FOXK1: variants seen among roughly 807,000 people sequenced by gnomAD.
The protein encoded by FOXK1 is forkhead box protein K1.
In FOXK1, 19 loss-of-function variants were observed where a neutral mutation model predicts 51.9. The ratio of observed to expected loss-of-function variants is 0.37; its 90% CI spans 0.26 to 0.54. The LOEUF is 0.54. FOXK1 is among the 20% of genes least tolerant of loss of function. The pLI is 0.87. For missense variants in FOXK1, 870 were observed against 1,032.7 expected (o/e 0.84, Z 2.16); for synonymous variants, 537 against 482.6 (o/e 1.11, Z -1.48).
intron 2 of FOXK1, among the ~76,000 whole-genome samples, 160 bp from the exon 3 acceptor site, chr7:4,754,299 C>T (rs898836434): frequency 3.3e-5 from 5 of 152,252 alleles, no homozygotes; most frequent in African/African-American, 7.2e-5. Context: ...TTGTCCCCGC[C>T]GCTGCGTGAC....
chr7:4,690,022 C>T (rs1039112760), intron 1 of FOXK1, among the ~76,000 whole-genome samples: 3 of 152,190 alleles, frequency 2.0e-5, no homozygotes, highest in African/African-American at 4.8e-5. Context: ...CGCTTCTCCA[C>T]GTGAAGGATC....
At position 4,755,442 on chromosome 7, in the gene FOXK1, C is replaced by T. The variant is rs1780834467; in HGVS notation, c.1050+59C>T. 6.3e-7 allele frequency: 1 copy of T among 1,591,322 alleles called. No individual in the cohort carries two copies. The highest frequency in any genetic ancestry group is 8.6e-7 in the Non-Finnish European group (1 of 1,166,356). ...GAAGGCCCTTAGAACATGGAACTCA[C>T]AGGCATATTGCTTCCCTTAAAACAG... is the stretch of plus-strand genomic sequence containing the variant. On this transcript the variant is annotated intron_variant, in intron 4 of 8. Transcript: ENST00000328914. The surrounding 1 kb of genome is among the most constrained non-coding windows in gnomAD (Gnocchi z 6.6).
chr7:4,768,336 G>T lies in FOXK1; in HGVS notation c.*5872G>T, dbSNP rs1458762279. On this transcript the variant is annotated 3_prime_UTR_variant, in exon 9 of 9. Coordinates refer to ENST00000328914, the MANE Select transcript of FOXK1 (RefSeq NM_001037165.2). ...TTTAGTAGAGACGGGGTTTCACCGT[G>T]TTAGCCAGGATGGTCTCGATCTCCT... The T allele has an allele frequency of 1.4e-5, 2 of 139,324 alleles. No individual in the cohort carries two copies. The highest frequency in any genetic ancestry group is 3.0e-5 in the Non-Finnish European group (2 of 67,166). The allele number at this position is 139,324 out of a possible 1,614,324, so 8.6% of individuals were successfully genotyped here. A position where few individuals can be genotyped will look rare whatever the true frequency, so the allele number is the denominator to read the frequency against.
In FOXK1 at chr7:4,740,251, A is replaced by G. The variant is rs7782788; in HGVS notation, c.561-587A>G. On this transcript the variant is annotated intron_variant, in intron 1 of 8. Transcript: ENST00000328914. ...CGAGACCATCCTGGCTAACACAGTGAAACCCCGTCTCTACTAAAAATATAA... is the reference window on the plus strand; with the variant it reads ...CGAGACCATCCTGGCTAACACAGTGGAACCCCGTCTCTACTAAAAATATAA... Among the ~76,000 whole-genome samples the G allele has an allele frequency of 7.1e-3, 1,087 of 152,244 alleles. 15 individuals carry two copies. The highest frequency in any genetic ancestry group is 0.025 in the African/African-American group (1,046 of 41,520).
At chr7:4,699,116 G>C (rs1243521034) in intron 1 of FOXK1, among the ~76,000 whole-genome samples, 1 of 152,196 alleles carries the variant, frequency 6.6e-6, no homozygotes, top group African/African-American at 2.4e-5. Context: ...ATCTGGGACA[G>C]TTCATCAGCC....
At chr7:4,712,544 G>A (rs948337289) in intron 1 of FOXK1, among the ~76,000 whole-genome samples, 7 of 152,144 alleles carry the variant, frequency 4.6e-5, no homozygotes, top group Non-Finnish European at 8.8e-5. Flanking sequence ...TGCCCCGCGC[G>A]CTTATTTGAG....
chr7:4,760,410 G>C (rs912357141), intron 7 of FOXK1, among the ~76,000 whole-genome samples: 1 of 152,212 alleles, frequency 6.6e-6, no homozygotes, highest in African/African-American at 2.4e-5. Flanking sequence ...TCCTCTCCGC[G>C]GTGGTGTTTG....
chr7:4,737,378 A>G (rs1288906849), intron 1 of FOXK1, among the ~76,000 whole-genome samples: 1 of 152,004 alleles, frequency 6.6e-6, no homozygotes, highest in Non-Finnish European at 1.5e-5. Flanking sequence ...ATCTTTAAAC[A>G]TTTGTCATCA....
rs1780146355 is a variant in FOXK1, at chr7:4,709,414, C to G, written c.560+26546C>G. On this transcript the variant is annotated intron_variant, in intron 1 of 8. Transcript: ENST00000328914. This position sits in a 1 kb window ranked among gnomAD's most constrained non-coding sequence, Gnocchi z 5.6. ...GGTCTGGACAGGGCCAGGCTCTTCCCAAGCGCACAGTCCACATAGGCTGCT... is the reference window on the plus strand; with the variant it reads ...GGTCTGGACAGGGCCAGGCTCTTCCGAAGCGCACAGTCCACATAGGCTGCT... Among the ~76,000 whole-genome samples, 1 of 152,190 alleles carries G rather than the reference C, an allele frequency of 6.6e-6. No individual in the cohort carries two copies. Among genetic ancestry groups the G allele is most frequent in the Admixed American group, 6.5e-5 (1 of 15,274 alleles).
In FOXK1 at chr7:4,711,851, A is replaced by C. The variant is rs76291374; in HGVS notation, c.560+28983A>C. 2.2e-4 allele frequency among the ~76,000 whole-genome samples: 33 copies of C among 152,250 alleles called. No homozygotes were observed. In the East Asian group the frequency reaches 4.8e-3, roughly 22 times the overall value. ...AAAAGATTGCGGCCGGCCGGTGTCA[A>C]GGCGGGGGACCTGTGAGCTGGGCCT... On this transcript the variant is annotated intron_variant, in intron 1 of 8. Coordinates refer to ENST00000328914, the MANE Select transcript of FOXK1 (RefSeq NM_001037165.2). The surrounding 1 kb of genome is among the most constrained non-coding windows in gnomAD (Gnocchi z 6.3).
intron 1 of FOXK1, among the ~76,000 whole-genome samples, chr7:4,698,994 C>A (rs1339235598): frequency 1.3e-5 from 2 of 152,196 alleles, no homozygotes; most frequent in African/African-American, 2.4e-5. Context: ...GGCCCACATA[C>A]CATTTTTGCC....
chr7:4,721,765 A>G (rs1296846378), intron 1 of FOXK1, among the ~76,000 whole-genome samples: 4 of 150,968 alleles, frequency 2.6e-5, no homozygotes, highest in Non-Finnish European at 5.9e-5. Flanking sequence ...TAATTCTTGC[A>G]TTTTTAGTAT....
At chr7:4,740,111 G>A (rs550769427) in intron 1 of FOXK1, among the ~76,000 whole-genome samples, 4 of 151,916 alleles carry the variant, frequency 2.6e-5, no homozygotes, top group South Asian at 4.2e-4. Flanking sequence ...CCTGGCCAAC[G>A]TGGTGAAACC....
rs1316603838 is a variant in FOXK1, at chr7:4,734,105, T to A, written c.561-6733T>A. On this transcript the variant is annotated intron_variant, in intron 1 of 8. Transcript: ENST00000328914. The surrounding 1 kb of genome is among the most constrained non-coding windows in gnomAD (Gnocchi z 5.2). ...TGAAGCGATGCCTGTGTTTTAACCT[T>A]AGTAACCGTGCCGCCCAGCTCCTAG... Among the ~76,000 whole-genome samples, 1 of 152,132 alleles carries A rather than the reference T, an allele frequency of 6.6e-6. No homozygotes were observed. Among genetic ancestry groups the A allele is most frequent in the African/African-American group, 2.4e-5 (1 of 41,454 alleles).
chr7:4,704,598 G>A (rs1186337053), intron 1 of FOXK1, among the ~76,000 whole-genome samples: 1 of 152,070 alleles, frequency 6.6e-6, no homozygotes, highest in Non-Finnish European at 1.5e-5. Flanking sequence ...AACTGGATAA[G>A]CTAAGCTGGG....
At chr7:4,684,352 C>G (rs1779792360) in intron 1 of FOXK1, among the ~76,000 whole-genome samples, 1 of 152,216 alleles carries the variant, frequency 6.6e-6, no homozygotes, top group Non-Finnish European at 1.5e-5. Context: ...AAGTTTGTGT[C>G]TGTAAACTTC....
At chr7:4,724,345 A>G (rs946487914) in intron 1 of FOXK1, among the ~76,000 whole-genome samples, 7 of 152,114 alleles carry the variant, frequency 4.6e-5, no homozygotes, top group African/African-American at 1.7e-4. Context: ...ACAGGCACCC[A>G]CCACCACGCC....
At chr7:4,698,288 G>A (rs1779978126) in intron 1 of FOXK1, among the ~76,000 whole-genome samples, 1 of 150,754 alleles carries the variant, frequency 6.6e-6, no homozygotes, top group African/African-American at 2.5e-5. Flanking sequence ...ATCTGAGAGT[G>A]CGATTTTATA....
intron 1 of FOXK1, among the ~76,000 whole-genome samples, chr7:4,688,408 T>C (rs1221423515): frequency 6.6e-6 from 1 of 150,674 alleles, no homozygotes; most frequent in South Asian, 2.1e-4. Context: ...TTTTTATTTT[T>C]ATTTTTTTTT....
Sources: gnomAD v4.1 joint callset for allele counts (sites outside exome capture counted in the v4.1 genomes callset) on GRCh38, gnomAD v4.1.1 for gene constraint, Gnocchi (gnomAD v3.1) non-coding constraint, MANE v1.5 for transcripts, NCBI Gene and HGNC (gene_info 2026-07-23, HGNC 2026-07-21) for gene names.